Variants in ELP3 observed in about 807,000 individuals in gnomAD.
ELP3 encodes elongator complex protein 3.
In ELP3, 56 loss-of-function variants were observed where a neutral mutation model predicts 74.9. The ratio of observed to expected loss-of-function variants is 0.75; its 90% confidence interval spans 0.60 to 0.93. The LOEUF (loss-of-function observed/expected upper bound fraction) is 0.93. Among genes scored for constraint, ELP3 ranks in the 40% least tolerant of loss-of-function variants. The pLI is 0.00. For synonymous variants in ELP3, 222 were observed against 239.8 expected (o/e 0.93, Z 0.68); for missense variants, 573 against 686.5 (o/e 0.83, Z 1.85).
At chr8:28,143,916 G>T (rs1464448279) in intron 10 of ELP3, among the ~76,000 whole-genome samples, 1 of 152,086 alleles carries the variant, frequency 6.6e-6, no homozygotes, top group Non-Finnish European at 1.5e-5. Flanking sequence ...GCTTTCCAAA[G>T]GGATTATACC....
intron 7 of ELP3, among the ~76,000 whole-genome samples, chr8:28,128,658 A>G (rs1812676574): frequency 6.6e-6 from 1 of 152,166 alleles, no homozygotes; most frequent in Admixed American, 6.5e-5. Context: ...ACTCCCTTTC[A>G]GCTTCAGTTT....
chr8:28,117,206 G>T (rs1812174207), intron 7 of ELP3, among the ~76,000 whole-genome samples: 1 of 152,008 alleles, frequency 6.6e-6, no homozygotes, highest in African/African-American at 2.4e-5. Flanking sequence ...GTCCCCTGAG[G>T]TATATGAAGC....
In ELP3 at chr8:28,147,661, G is replaced by A. The variant is rs529564606; in HGVS notation, c.1101-8281G>A. On this transcript the variant is annotated intron_variant, in intron 10 of 14. Transcript: ENST00000256398. This position sits in a 1 kb window ranked among gnomAD's most constrained non-coding sequence, Gnocchi z 4.5. ...TCTGTGTGTGTATGTGTGTATGCAT[G>A]CATATATTTCTTAGTAGTATGTACT... Among the ~76,000 whole-genome samples, 1 of 152,136 alleles carries A rather than the reference G, an allele frequency of 6.6e-6. No individual in the cohort carries two copies. The highest frequency in any genetic ancestry group is 1.5e-5 in the Non-Finnish European group (1 of 68,030).
chr8:28,122,476 T>C (rs1298053343), intron 7 of ELP3, among the ~76,000 whole-genome samples: 2 of 152,278 alleles, frequency 1.3e-5, no homozygotes, highest in Non-Finnish European at 1.5e-5. Context: ...GTTCATTTAA[T>C]AGATATAGAG....
chr8:28,168,334 T>C (rs1300208113), intron 14 of ELP3, among the ~76,000 whole-genome samples: 1 of 152,182 alleles, frequency 6.6e-6, no homozygotes, highest in Non-Finnish European at 1.5e-5. Flanking sequence ...AGTACAGCAT[T>C]TGGCAAATGC....
At chr8:28,134,331 G>T (rs1157587772) in intron 9 of ELP3, among the ~76,000 whole-genome samples, 1 of 152,174 alleles carries the variant, frequency 6.6e-6, no homozygotes, top group Non-Finnish European at 1.5e-5. Flanking sequence ...ATAAGGAATA[G>T]TTCAGTAATA....
At chr8:28,141,758 A>G (rs1444148279) in intron 10 of ELP3, among the ~76,000 whole-genome samples, 1 of 152,260 alleles carries the variant, frequency 6.6e-6, no homozygotes, top group Non-Finnish European at 1.5e-5. Flanking sequence ...CTAGACAACA[A>G]AGCTGCAGTA....
Position 28,097,234 on chromosome 8 carries a change from C to T in ELP3, c.35C>T (p.Ala12Val). The T allele has an allele frequency of 1.5e-5, 24 of 1,610,954 alleles. No individual in the cohort carries two copies. The highest frequency in any genetic ancestry group is 2.0e-5 in the Non-Finnish European group (23 of 1,178,764). ...RQKRKGDLSPAELMMLTIGDV... is the reference protein window; with the variant it reads ...RQKRKGDLSPVELMMLTIGDV... Reference sequence around the variant, plus strand: ...AACTTTCCAGGAGATCTCAGCCCTGCTGAGCTGATGATGCTGACTATAGGA... The same window carrying T: ...AACTTTCCAGGAGATCTCAGCCCTGTTGAGCTGATGATGCTGACTATAGGA... Residue 12 changes from alanine (A) to valine (V), a missense_variant, in exon 2 of 15, where the codon GCT becomes GTT. Ala to Val is a moderately conservative substitution (Grantham distance 64). Coordinates refer to ENST00000256398, the MANE Select transcript of ELP3 (RefSeq NM_018091.6).
chr8:28,185,163 T>C (rs972327718), intron 14 of ELP3, among the ~76,000 whole-genome samples: 7 of 152,202 alleles, frequency 4.6e-5, no homozygotes, highest in Admixed American at 3.9e-4. Flanking sequence ...GCCAGAAGTA[T>C]TTCTGAAAGA....
intron 14 of ELP3, among the ~76,000 whole-genome samples, chr8:28,178,595 G>A (rs900982969): frequency 5.9e-5 from 9 of 152,192 alleles, no homozygotes; most frequent in African/African-American, 1.9e-4. Flanking sequence ...TGGGTTTCCA[G>A]GTTAGAGTTA....
intron 8 of ELP3, among the ~76,000 whole-genome samples, chr8:28,131,724 C>T (rs1812793030): frequency 6.6e-6 from 1 of 152,176 alleles, no homozygotes; most frequent in Non-Finnish European, 1.5e-5. Context: ...TCTGCCTTCT[C>T]ACTAAGTCAT....
intron 7 of ELP3, chr8:28,113,905 T>G (rs2130401097): frequency 6.6e-6 from 1 of 152,338 alleles, no homozygotes; most frequent in South Asian, 2.1e-4. Context: ...GACAAACTCA[T>G]GTCTGTCAAA....
intron 14 of ELP3, among the ~76,000 whole-genome samples, chr8:28,169,385 C>G (rs1272934626): frequency 6.6e-6 from 1 of 152,180 alleles, no homozygotes; most frequent in East Asian, 1.9e-4. Context: ...GGGGATGGTT[C>G]CTGTCTGTTC....
At position 28,106,776 on chromosome 8, in the gene ELP3, A is replaced by T. The variant is rs143946124; in HGVS notation, c.322A>T (p.Ile108Leu). 576 of 1,611,544 alleles carry T rather than the reference A, an allele frequency of 3.6e-4. 1 individual carries two copies. Among genetic ancestry groups the T allele is most frequent in the South Asian group, 5.7e-4 (52 of 90,998 alleles). Residue 108 changes from isoleucine to leucine, a missense_variant, in exon 4 of 15, where the codon ATA becomes TTA. Physicochemically the swap from Ile to Leu is conservative, Grantham distance 5. Coordinates refer to ENST00000256398, the MANE Select transcript of ELP3 (RefSeq NM_018091.6). ...TCCACACATCAGTTTTACAGGAAAT[A>T]TATGTGTGTAAGTATGGTGATTTTA... ...RCPHISFTGN[I>L]CVYCPGGPDS...
At chr8:28,176,296 A>G (rs1814749633) in intron 14 of ELP3, among the ~76,000 whole-genome samples, 1 of 152,152 alleles carries the variant, frequency 6.6e-6, no homozygotes, top group African/African-American at 2.4e-5. Context: ...CTTTTGATAC[A>G]CTCCACGAAG....
At position 28,175,810 on chromosome 8, in the gene ELP3, C is replaced by CTTTT. The variant is rs56901616; in HGVS notation, c.1567+13750_1567+13753dup. Among the ~76,000 whole-genome samples, 40 of 78,182 alleles carry CTTTT rather than the reference C, an allele frequency of 5.1e-4. 2 individuals carry two copies. The highest frequency in any genetic ancestry group is 1.1e-3 in the African/African-American group (22 of 19,690). The allele number at this position is 78,182 out of a possible 152,430, so 51.3% of individuals were successfully genotyped here. A position where few individuals can be genotyped will look rare whatever the true frequency, so the allele number is the denominator to read the frequency against. ...CTGTAATCATGCATTTGTCTAGTGA[C>CTTTT]TTTTTTTTTTTTTTTTTTTTTGGGG... is the stretch of plus-strand genomic sequence containing the variant. On this transcript the variant is annotated intron_variant, in intron 14 of 14. Coordinates refer to ENST00000256398, the MANE Select transcript of ELP3 (RefSeq NM_018091.6).
chr8:28,166,986 A>G lies in ELP3; in HGVS notation c.1567+4908A>G, dbSNP rs138416014. On this transcript the variant is annotated intron_variant, in intron 14 of 14. Coordinates refer to ENST00000256398, the MANE Select transcript of ELP3 (RefSeq NM_018091.6). ...TTTCAAGTAGAAAATTAATATGGCC[A>G]TTGGCCAAGAATCGTACAAGGCCGA... Among the ~76,000 whole-genome samples, 3 of 152,266 alleles carry G rather than the reference A, an allele frequency of 2.0e-5. No individual in the cohort carries two copies. In the East Asian group the frequency reaches 5.8e-4, roughly 29 times the overall value.
intron 13 of ELP3, among the ~76,000 whole-genome samples, chr8:28,161,233 C>A (rs1170038253): frequency 6.6e-6 from 1 of 152,110 alleles, no homozygotes; most frequent in Non-Finnish European, 1.5e-5. Context: ...GATATACGAG[C>A]CAAAATTGAT....
At chr8:28,184,834 T>C (rs923014494) in intron 14 of ELP3, among the ~76,000 whole-genome samples, 1 of 152,182 alleles carries the variant, frequency 6.6e-6, no homozygotes, top group Non-Finnish European at 1.5e-5. Context: ...AAGGAAATGT[T>C]AGAGATGTTT....
Sources: gnomAD v4.1 joint callset for allele counts (sites outside exome capture counted in the v4.1 genomes callset) on GRCh38, gnomAD v4.1.1 for gene constraint, Gnocchi (gnomAD v3.1) non-coding constraint, MANE v1.5 for transcripts, NCBI Gene and HGNC (gene_info 2026-07-23, HGNC 2026-07-21) for gene names.